Variants in TM9SF2 observed in about 807,000 individuals in gnomAD.
TM9SF2 encodes transmembrane 9 superfamily member 2, also known as 76 kDa membrane protein.
TM9SF2 carries 13 observed loss-of-function variants against 84.9 expected under a neutral mutation model. The observed-to-expected ratio is 0.15, with a 90% CI of 0.10 to 0.24. The LOEUF is 0.24. Ranked by LOEUF, TM9SF2 falls within the 10% of genes least tolerant of loss-of-function variation. The pLI is 1.00. For synonymous variants in TM9SF2, 273 were observed against 285.8 expected (o/e 0.96, Z 0.45); for missense variants, 562 against 818.5 (o/e 0.69, Z 3.82).
At chr13:99,532,762 A>G (rs1315891181) in intron 4 of TM9SF2, among the ~76,000 whole-genome samples, 1 of 152,218 alleles carries the variant, frequency 6.6e-6, no homozygotes, top group Non-Finnish European at 1.5e-5. Context: ...TAATAACAAG[A>G]AAGAATAAAT....
In TM9SF2 at chr13:99,539,486, C is replaced by A. The variant is rs150227799; in HGVS notation, c.757C>A (p.Pro253Thr). Residue 253 changes from proline (P) to threonine (T), a missense_variant, in exon 7 of 17, where the codon CCC becomes ACC. By Grantham distance (38) the Pro-to-Thr change is conservative. This residue lies in a region of TM9SF2 where 267 missense variants were observed against 316.7 expected (regional missense o/e 0.84). Transcript: ENST00000376387. ...THIDKPDCSG[P>T]PMDISNKASG... Reference sequence around the variant, plus strand: ...TATAGATAAACCAGACTGCTCAGGGCCCCCCATGGACATAAGTAACAAGGC... The same window carrying A: ...TATAGATAAACCAGACTGCTCAGGGACCCCCATGGACATAAGTAACAAGGC... 1.7e-5 allele frequency: 28 copies of A among 1,613,270 alleles called. No individual in the cohort carries two copies. Among genetic ancestry groups the A allele is most frequent in the Non-Finnish European group, 2.2e-5 (26 of 1,179,480 alleles).
intron 3 of TM9SF2, among the ~76,000 whole-genome samples, chr13:99,521,088 A>G (rs1198000375): frequency 6.6e-6 from 1 of 152,212 alleles, no homozygotes; most frequent in Non-Finnish European, 1.5e-5. Context: ...TGTACAAAGA[A>G]CAATGGTCTT....
intron 1 of TM9SF2, among the ~76,000 whole-genome samples, chr13:99,510,778 A>G (rs1421849825): frequency 2.0e-5 from 3 of 152,234 alleles, no homozygotes; most frequent in Admixed American, 2.0e-4. Context: ...AGACAAGGAC[A>G]TATATTCAAA....
At chr13:99,561,857 A>G (rs558903104) in intron 16 of TM9SF2, among the ~76,000 whole-genome samples, 6 of 152,318 alleles carry the variant, frequency 3.9e-5, no homozygotes, top group Non-Finnish European at 5.9e-5. Flanking sequence ...CACAAGTACC[A>G]TCCATGTGAC....
chr13:99,535,417 T>A (rs980663211), intron 4 of TM9SF2, among the ~76,000 whole-genome samples: 2 of 152,206 alleles, frequency 1.3e-5, no homozygotes, highest in African/African-American at 2.4e-5. Context: ...TTGAACTTCA[T>A]CTCTATCTAA....
rs57984268 is a variant in TM9SF2, at chr13:99,522,002, C to T, written c.333+1873C>T. 5.0e-3 allele frequency among the ~76,000 whole-genome samples: 760 copies of T among 152,188 alleles called. 3 individuals carry two copies. The highest frequency in any genetic ancestry group is 0.018 in the African/African-American group (734 of 41,520). On this transcript the variant is annotated intron_variant, in intron 3 of 16. Transcript: ENST00000376387. The stretch of plus-strand genomic sequence containing the variant: ...GATTATAGACATAGACGTGAGCCGC[C>T]GTCTGACGCCTTTCAAATACTTTTT...
intron 4 of TM9SF2, among the ~76,000 whole-genome samples, chr13:99,534,748 T>G (rs1472519807): frequency 6.6e-6 from 1 of 152,280 alleles, no homozygotes; most frequent in Non-Finnish European, 1.5e-5. Context: ...CTTGCGAGTC[T>G]TCTTCCCATT....
intron 5 of TM9SF2, 146 bp from the exon 6 acceptor site, chr13:99,537,587 TTAAGTA>T: frequency 1.7e-6 from 1 of 599,006 alleles, no homozygotes; most frequent in Non-Finnish European, 2.7e-6. Flanking sequence ...TAAAAAGAGT[TTAAGTA>T]TAAAATTGAA....
chr13:99,525,222 G>C (rs1378918769), intron 3 of TM9SF2, among the ~76,000 whole-genome samples: 2 of 151,208 alleles, frequency 1.3e-5, no homozygotes, highest in Non-Finnish European at 3.0e-5. Context: ...AGGATGGCGT[G>C]GTTCAAAGAG....
intron 4 of TM9SF2, among the ~76,000 whole-genome samples, chr13:99,531,499 C>CA (rs528399378): frequency 6.6e-6 from 1 of 152,156 alleles, no homozygotes; most frequent in Non-Finnish European, 1.5e-5. Context: ...CCACCCCACC[C>CA]AACCCCCATA....
chr13:99,517,583 A>T, intron 1 of TM9SF2, 31 bp from the exon 2 acceptor site: 1 of 1,479,768 alleles, frequency 6.8e-7, no homozygotes, highest in South Asian at 1.3e-5. Context: ...CCTGTTGTTT[A>T]TATTCTAATT....
chr13:99,557,592 A>C (rs2046329603), intron 15 of TM9SF2, among the ~76,000 whole-genome samples: 1 of 152,050 alleles, frequency 6.6e-6, no homozygotes, highest in Non-Finnish European at 1.5e-5. Flanking sequence ...AATTATTATC[A>C]AATTAGGGCT....
Position 99,562,580 on chromosome 13 carries a change from G to C in TM9SF2, c.1925-111G>C. The C allele has an allele frequency of 4.2e-6, 4 of 947,538 alleles. No individual in the cohort carries two copies. In the East Asian group the frequency reaches 1.0e-4, roughly 24 times the overall value. The allele number at this position is 947,538 out of a possible 1,614,324, so 58.7% of individuals were successfully genotyped here. The stretch of plus-strand genomic sequence containing the variant: ...TGTAGTATATTCCCGGTGGGTAATA[G>C]TTTATAGTTTTGCGACTTTTTTAAG... On this transcript the variant is annotated intron_variant, in intron 16 of 16. Coordinates refer to ENST00000376387, the MANE Select transcript of TM9SF2 (RefSeq NM_004800.3).
chr13:99,546,383 T>C (rs554759593), intron 10 of TM9SF2, among the ~76,000 whole-genome samples: 1 of 152,288 alleles, frequency 6.6e-6, no homozygotes, highest in South Asian at 2.1e-4. Context: ...TAGGAAGGCT[T>C]ACATAGGGAA....
intron 4 of TM9SF2, among the ~76,000 whole-genome samples, chr13:99,532,576 G>C (rs1369443823): frequency 6.6e-6 from 1 of 152,010 alleles, no homozygotes; most frequent in African/African-American, 2.4e-5. Context: ...TGTAATCCCA[G>C]CTACTCGGGA....
chr13:99,512,262 A>T (rs1317763267), intron 1 of TM9SF2, among the ~76,000 whole-genome samples: 1 of 152,230 alleles, frequency 6.6e-6, no homozygotes, highest in Non-Finnish European at 1.5e-5. Context: ...ATTATGGACC[A>T]GCTTCTGCGT....
intron 1 of TM9SF2, among the ~76,000 whole-genome samples, chr13:99,504,292 TCCAAA>T (rs2046079714): frequency 6.6e-6 from 1 of 152,218 alleles, no homozygotes; most frequent in South Asian, 2.1e-4. Context: ...AATAATTTTT[TCCAAA>T]AGATGCTGTT....
chr13:99,533,511 G>A (rs541049613), intron 4 of TM9SF2, among the ~76,000 whole-genome samples: 48 of 152,122 alleles, frequency 3.2e-4, no homozygotes, highest in African/African-American at 1.1e-3. Flanking sequence ...AACCTCCTCC[G>A]TCTTTTCCAT....
intron 14 of TM9SF2, 144 bp from the exon 15 acceptor site, chr13:99,555,392 A>G: frequency 3.2e-6 from 2 of 630,760 alleles, no homozygotes; most frequent in South Asian, 4.0e-5. Flanking sequence ...CCCCATCACC[A>G]TCCCAACCTG....
Sources: gnomAD v4.1 joint callset for allele counts (sites outside exome capture counted in the v4.1 genomes callset) on GRCh38, gnomAD v4.1.1 for gene constraint, gnomAD v4.1.1 regional missense constraint, MANE v1.5 for transcripts, NCBI Gene and HGNC (gene_info 2026-07-23, HGNC 2026-07-21) for gene names.